Variants in KLHL29 observed in about 807,000 individuals in gnomAD.
KLHL29 encodes kelch-like protein 29.
KLHL29 carries 21 observed loss-of-function variants against 80.4 expected under a neutral mutation model. That is an observed-to-expected ratio of 0.26 (90% CI 0.19 to 0.38). KLHL29 has a LOEUF of 0.38. KLHL29 is among the 10% of genes least tolerant of loss of function. KLHL29 has a pLI of 1.00. For missense variants in KLHL29, 867 were observed against 1,223.9 expected (o/e 0.71, Z 4.35); for synonymous variants, 511 against 526.8 (o/e 0.97, Z 0.41).
At chr2:23,454,858 G>T (rs931891362) in intron 1 of KLHL29, among the ~76,000 whole-genome samples, 4 of 151,754 alleles carry the variant, frequency 2.6e-5, no homozygotes, top group Non-Finnish European at 5.9e-5. Flanking sequence ...CACTATGCCA[G>T]GTGCCAAGTG....
Position 23,696,493 on chromosome 2 carries a change from C to G in KLHL29, c.2085C>G (p.Gly695=), listed in dbSNP as rs1671966060. The G allele has an allele frequency of 6.5e-7, 1 of 1,534,970 alleles. No homozygotes were observed. Among genetic ancestry groups the G allele is most frequent in the Admixed American group, 2.0e-5 (1 of 50,082 alleles). The part of the protein sequence containing the change: ...IYTLGGLGVA[G]NVDHVERYDT... ...CCCTCGGGGGACTTGGCGTGGCAGGCAACGTGGACCACGTGGAGAGGTAAT... is the reference window on the plus strand; with the variant it reads ...CCCTCGGGGGACTTGGCGTGGCAGGGAACGTGGACCACGTGGAGAGGTAAT... The change falls in exon 11 of 14, where the codon GGC becomes GGG. Residue 695 remains glycine, a synonymous_variant. Coordinates refer to ENST00000486442, the MANE Select transcript of KLHL29 (RefSeq NM_052920.2). The surrounding 1 kb of genome is among the most constrained non-coding windows in gnomAD (Gnocchi z 5.5).
chr2:23,440,549 A>G lies in KLHL29; in HGVS notation c.-153-35011A>G, dbSNP rs373058304. Among the ~76,000 whole-genome samples the G allele has an allele frequency of 2.6e-5, 4 of 152,182 alleles. No individual in the cohort carries two copies. In the East Asian group the frequency reaches 5.8e-4, roughly 22 times the overall value. On this transcript the variant is annotated intron_variant, in intron 1 of 13. Coordinates refer to ENST00000486442, the MANE Select transcript of KLHL29 (RefSeq NM_052920.2). ...CATCAGAGTGAACAGGCAACCTACA[A>G]AATGGGAGAAAATTTTCACAACCTA...
chr2:23,640,425 C>A (rs1669736069), intron 4 of KLHL29, among the ~76,000 whole-genome samples: 1 of 152,160 alleles, frequency 6.6e-6, no homozygotes, highest in African/African-American at 2.4e-5. Context: ...GCCACAGAGT[C>A]CCCTGGGGCC....
chr2:23,519,264 C>G (rs73919732), intron 2 of KLHL29, among the ~76,000 whole-genome samples: 1 of 152,176 alleles, frequency 6.6e-6, no homozygotes, highest in Non-Finnish European at 1.5e-5. Flanking sequence ...CTTCTTCCAG[C>G]CAGATCCAGC....
chr2:23,698,424 GCA>G (rs777358600), intron 11 of KLHL29, among the ~76,000 whole-genome samples: 1 of 152,194 alleles, frequency 6.6e-6, no homozygotes, highest in Non-Finnish European at 1.5e-5. Context: ...GCTTTCTGTG[GCA>G]CACAGTGGCA....
intron 1 of KLHL29, among the ~76,000 whole-genome samples, chr2:23,387,892 T>C (rs1666225238): frequency 6.6e-6 from 1 of 152,218 alleles, no homozygotes; most frequent in South Asian, 2.1e-4. Context: ...ATCTAACCAA[T>C]TTTAATAACT....
At chr2:23,617,193 C>G (rs1669041114) in intron 3 of KLHL29, 1 of 152,314 alleles carries the variant, frequency 6.6e-6, no homozygotes, top group Admixed American at 6.5e-5. Flanking sequence ...CAGCCTCCTC[C>G]TTCAGCCAGG....
intron 1 of KLHL29, among the ~76,000 whole-genome samples, chr2:23,415,474 T>A (rs898987471): frequency 2.0e-5 from 3 of 152,342 alleles, no homozygotes; most frequent in Admixed American, 1.3e-4. Flanking sequence ...CTTGGCAGAA[T>A]ATGAAGTTGG....
chr2:23,568,712 G>A (rs1667646873), intron 3 of KLHL29, among the ~76,000 whole-genome samples: 1 of 152,224 alleles, frequency 6.6e-6, no homozygotes, highest in Non-Finnish European at 1.5e-5. Flanking sequence ...GGGAGATACT[G>A]CAACACCACA....
chr2:23,604,667 G>A (rs1668659906), intron 3 of KLHL29, among the ~76,000 whole-genome samples: 1 of 152,212 alleles, frequency 6.6e-6, no homozygotes, highest in Admixed American at 6.5e-5. Flanking sequence ...TGGAGAGAGA[G>A]CAAGTCACTT....
chr2:23,654,300 G>A (rs947953243), intron 5 of KLHL29, among the ~76,000 whole-genome samples: 1 of 152,056 alleles, frequency 6.6e-6, no homozygotes, highest in Non-Finnish European at 1.5e-5. Context: ...TAGCATCCCC[G>A]GCTTTCCTTG....
At chr2:23,468,310 C>T (rs1334346335) in intron 1 of KLHL29, among the ~76,000 whole-genome samples, 5 of 152,080 alleles carry the variant, frequency 3.3e-5, no homozygotes, top group East Asian at 1.9e-4. Context: ...CTGGTGTCTC[C>T]GAGACTAGGA....
chr2:23,580,019 T>G (rs1297129306), intron 3 of KLHL29, among the ~76,000 whole-genome samples: 1 of 152,180 alleles, frequency 6.6e-6, no homozygotes, highest in Non-Finnish European at 1.5e-5. Flanking sequence ...GGCCTCTTTT[T>G]CCTCATCTAT....
In KLHL29 at chr2:23,693,528, G is replaced by A; in HGVS notation, c.1542G>A (p.Gln514=). Residue 514 remains glutamine, a splice_region_variant and synonymous_variant, in exon 8 of 14, where the codon CAG becomes CAA. Transcript: ENST00000486442. ...WIKKDPATRT[Q]YAAELLAVVR... is the part of the protein sequence containing the mutation. Reference sequence around the variant, plus strand: ...AGAAGGACCCCGCGACACGCACACAGGTGGGGCCTGCCCTGTCCCCCGCCC... The same window carrying A: ...AGAAGGACCCCGCGACACGCACACAAGTGGGGCCTGCCCTGTCCCCCGCCC... The A allele has an allele frequency of 6.5e-7, 1 of 1,548,658 alleles. No individual in the cohort carries two copies. Among genetic ancestry groups the A allele is most frequent in the Non-Finnish European group, 8.7e-7 (1 of 1,144,526 alleles).
In KLHL29 at chr2:23,542,240, G is replaced by A. The variant is rs1404566303; in HGVS notation, c.-45-19912G>A. Among the ~76,000 whole-genome samples, 6 of 152,030 alleles carry A rather than the reference G, an allele frequency of 3.9e-5. No individual in the cohort carries two copies. In the East Asian group the frequency reaches 5.8e-4, roughly 15 times the overall value. ...TCCTCTCTTCAATTGCATCTTTTTC[G>A]GTACATGTATTTGTTAAGGAACAAA... On this transcript the variant is annotated intron_variant, in intron 2 of 13. Transcript: ENST00000486442.
Position 23,598,267 on chromosome 2 carries a change from C to A in KLHL29, c.285+35786C>A, listed in dbSNP as rs764145750. 1.4e-3 allele frequency among the ~76,000 whole-genome samples: 218 copies of A among 152,132 alleles called. 1 individual carries two copies. The highest frequency in any genetic ancestry group is 2.6e-3 in the Non-Finnish European group (177 of 68,000). On this transcript the variant is annotated intron_variant, in intron 3 of 13. Coordinates refer to ENST00000486442, the MANE Select transcript of KLHL29 (RefSeq NM_052920.2). ...ATCCCCATTTTAAGATAAAAAAAAA[C>A]CGAGGGTTAGGGAAGTTCATTTACC...
At chr2:23,584,301 A>G (rs553006695) in intron 3 of KLHL29, among the ~76,000 whole-genome samples, 20 of 152,276 alleles carry the variant, frequency 1.3e-4, no homozygotes, top group African/African-American at 4.6e-4. Flanking sequence ...TGCTGCTCAA[A>G]GGATATTTAT....
chr2:23,514,290 C>T (rs1463124633), intron 2 of KLHL29, among the ~76,000 whole-genome samples: 1 of 152,152 alleles, frequency 6.6e-6, no homozygotes, highest in East Asian at 1.9e-4. Flanking sequence ...GTTCTTGGAA[C>T]CCTCAGGGCT....
chr2:23,434,588 A>G (rs1663286037), intron 1 of KLHL29, among the ~76,000 whole-genome samples: 2 of 152,200 alleles, frequency 1.3e-5, no homozygotes, highest in South Asian at 4.1e-4. Context: ...AGAAAGAAAG[A>G]AGAGACATTG....
Sources: gnomAD v4.1 joint callset for allele counts (sites outside exome capture counted in the v4.1 genomes callset) on GRCh38, gnomAD v4.1.1 for gene constraint, Gnocchi (gnomAD v3.1) non-coding constraint, MANE v1.5 for transcripts, NCBI Gene and HGNC (gene_info 2026-07-23, HGNC 2026-07-21) for gene names.